DHDH: variants seen among roughly 807,000 people sequenced by gnomAD.
DHDH encodes the protein trans-1,2-dihydrobenzene-1,2-diol dehydrogenase.
DHDH carries 29 observed loss-of-function variants against 33.2 expected under a neutral mutation model. The observed-to-expected ratio is 0.87, with a 90% CI of 0.65 to 1.19. The LOEUF (loss-of-function observed/expected upper bound fraction) is 1.19, where lower values mean the gene tolerates loss of function less well. DHDH is among the 50% of genes most tolerant of loss of function. The probability of loss-of-function intolerance (pLI) is 0.00; values close to 1 mark genes in which losing one functional copy is unlikely to be tolerated. For missense variants in DHDH, 431 were observed against 455.0 expected (o/e 0.95, Z 0.48); for synonymous variants, 201 against 187.9 (o/e 1.07, Z -0.57).
rs1425774432 is a variant in DHDH at position 48,936,109 on chromosome 19, C to T, written c.280C>T (p.Leu94=). 1 of 1,611,638 alleles carries T rather than the reference C, an allele frequency of 6.2e-7. No individual in the cohort carries two copies. Among genetic ancestry groups the T allele is most frequent in the Non-Finnish European group, 8.5e-7 (1 of 1,179,516 alleles). Residue 94 remains leucine, a synonymous_variant, in exon 3 of 7, where the codon CTG becomes TTG. Coordinates refer to ENST00000221403, the MANE Select transcript of DHDH (RefSeq NM_014475.4). ...MLCLAAGKAV[L]CEKPTGVNAA... is the part of the protein sequence containing the mutation. ...GTGCTTGGCGGCGGGCAAGGCCGTT[C>T]TGTGCGAGAAGCCCACGGGCGTGAA...
chr19:48,937,448 G>T (rs1425286427), intron 3 of DHDH, among the ~76,000 whole-genome samples: 1 of 152,124 alleles, frequency 6.6e-6, no homozygotes, highest in Non-Finnish European at 1.5e-5. Flanking sequence ...GGCCGAGGCG[G>T]GCAGATCACC....
chr19:48,940,599 A>C (rs1473031224), intron 4 of DHDH, among the ~76,000 whole-genome samples: 1 of 151,940 alleles, frequency 6.6e-6, no homozygotes, highest in African/African-American at 2.4e-5. Context: ...CACGCCTGTA[A>C]TCCCAGCACT....
intron 3 of DHDH, 92 bp from the exon 4 acceptor site, chr19:48,939,357 T>G (rs1295892349): frequency 1.4e-6 from 2 of 1,451,484 alleles, no homozygotes; most frequent in African/African-American, 2.8e-5. Context: ...GGGCTGTGTT[T>G]GGAGACTGGG....
At chr19:48,935,493 C>G (rs754211149) in intron 2 of DHDH, among the ~76,000 whole-genome samples, 1 of 151,838 alleles carries the variant, frequency 6.6e-6, no homozygotes, top group Non-Finnish European at 1.5e-5. Flanking sequence ...TGCACTCCAG[C>G]CTGGGCGACA....
intron 4 of DHDH, among the ~76,000 whole-genome samples, chr19:48,940,542 A>G (rs887907485): frequency 3.3e-5 from 5 of 150,090 alleles, no homozygotes; most frequent in South Asian, 4.2e-4. Context: ...AAAAAAAAAC[A>G]TAACACTACC....
chr19:48,936,038 C>A lies in DHDH; in HGVS notation c.209C>A (p.Ala70Asp), dbSNP rs1286007448. 1 of 1,600,330 alleles carries A rather than the reference C, an allele frequency of 6.2e-7. No individual in the cohort carries two copies. Among genetic ancestry groups the A allele is most frequent in the South Asian group, 1.1e-5 (1 of 88,640 alleles). ...ELAKDPSVEV[A>D]YIGTQHPQHK... ...TGACCTACTCCCACCCTAGAGGTGGCCTACATTGGCACCCAGCACCCCCAG... is the reference window on the plus strand; with the variant it reads ...TGACCTACTCCCACCCTAGAGGTGGACTACATTGGCACCCAGCACCCCCAG... Residue 70 changes from alanine (A) to aspartate (D), a missense_variant, in exon 3 of 7, where the codon GCC (alanine) becomes GAC (aspartate). Coordinates refer to ENST00000221403, the MANE Select transcript of DHDH (RefSeq NM_014475.4).
intron 4 of DHDH, among the ~76,000 whole-genome samples, chr19:48,941,946 T>TATA (rs2037866716): frequency 6.6e-6 from 1 of 151,422 alleles, no homozygotes; most frequent in Non-Finnish European, 1.5e-5. Context: ...GTGCTGAGAT[T>TATA]ATAGGTGTGA....
At chr19:48,940,779 C>G (rs2037847624) in intron 4 of DHDH, among the ~76,000 whole-genome samples, 1 of 152,276 alleles carries the variant, frequency 6.6e-6, no homozygotes, top group South Asian at 2.1e-4. Flanking sequence ...TCAATTGAGC[C>G]TGGGAGGCAG....
At chr19:48,937,858 G>A (rs754223603) in intron 3 of DHDH, among the ~76,000 whole-genome samples, 1 of 151,458 alleles carries the variant, frequency 6.6e-6, no homozygotes, top group Non-Finnish European at 1.5e-5. Flanking sequence ...GCAGCCTTGG[G>A]ACCTTTGCCC....
chr19:48,935,849 TA>T (rs1392846143), intron 2 of DHDH, among the ~76,000 whole-genome samples, 182 bp from the exon 3 acceptor site: 1 of 152,020 alleles, frequency 6.6e-6, no homozygotes, highest in African/African-American at 2.4e-5. Flanking sequence ...TTAAAAATTT[TA>T]AAAAAGAGAG....
Position 48,944,878 on chromosome 19 carries a change from T to C in DHDH, c.950T>C (p.Ile317Thr), listed in dbSNP as rs767030880. ...PLSESELLAD[I>T]LEEVRKAIGV... Reference sequence around the variant, plus strand: ...TCGGAAAGTGAGCTCCTGGCTGACATCCTTGAAGAGGTGAGGAAGGCCATT... The same window carrying C: ...TCGGAAAGTGAGCTCCTGGCTGACACCCTTGAAGAGGTGAGGAAGGCCATT... The change falls in exon 7 of 7, where the codon ATC becomes ACC. Residue 317 changes from isoleucine to threonine, a missense_variant. Ile to Thr is a moderately conservative substitution (Grantham distance 89). Transcript: ENST00000221403. 101 of 1,613,922 alleles carry C rather than the reference T, an allele frequency of 6.3e-5. No homozygotes were observed. Among genetic ancestry groups the C allele is most frequent in the Non-Finnish European group, 8.5e-5 (100 of 1,180,020 alleles).
chr19:48,937,238 A>G (rs978485758), intron 3 of DHDH, among the ~76,000 whole-genome samples: 2 of 152,138 alleles, frequency 1.3e-5, no homozygotes, highest in Admixed American at 6.5e-5. Flanking sequence ...GCCTGCGCAG[A>G]GCCTGCCCCC....
intron 3 of DHDH, 43 bp downstream of exon 3, chr19:48,936,238 T>C (rs929150560): frequency 1.3e-6 from 2 of 1,525,770 alleles, no homozygotes; most frequent in African/African-American, 2.7e-5. Flanking sequence ...GTAAAAGTGC[T>C]TGCCATTAAA....
At position 48,939,677 on chromosome 19, in the gene DHDH, G is replaced by A. The variant is rs772620790; in HGVS notation, c.595G>A (p.Val199Ile). The change falls in exon 4 of 7, where the codon GTC (valine) becomes ATC (isoleucine). Residue 199 changes from valine to isoleucine, a missense_variant. Transcript: ENST00000221403. The stretch of plus-strand genomic sequence containing the variant: ...AGGGCAGAAGCCAGAGAAGATTTCT[G>A]TCGTGGGAAGGCGTCATGAAACAGG... ...FGGQKPEKIS[V>I]VGRRHETGVD... 23 of 1,603,228 alleles carry A rather than the reference G, an allele frequency of 1.4e-5. No homozygotes were observed. The Admixed American group carries it at 2.4e-4, about 16-fold the overall frequency.
upstream of DHDH, chr19:48,933,694 A>C (rs1411528422): frequency 6.2e-7 from 1 of 1,611,906 alleles, no homozygotes; most frequent in African/African-American, 1.3e-5. Context: ...GGAGGGACCG[A>C]AGGTGCCGAG....
intron 5 of DHDH, 87 bp from the exon 6 acceptor site, chr19:48,944,259 AAGAGGGAGGCC>A (rs1243924316): frequency 6.5e-7 from 1 of 1,546,330 alleles, no homozygotes; most frequent in African/African-American, 1.4e-5. Flanking sequence ...CACCAGGTTC[AAGAGGGAGGCC>A]CCTGTGCACC....
chr19:48,940,517 C>T (rs2037844180), intron 4 of DHDH, among the ~76,000 whole-genome samples: 2 of 150,228 alleles, frequency 1.3e-5, no homozygotes, highest in South Asian at 2.1e-4. Context: ...ATTAAAGTTA[C>T]ATTCAGCCGC....
chr19:48,942,665 C>T (rs2037882046), intron 5 of DHDH, 101 bp downstream of exon 5: 1 of 1,493,358 alleles, frequency 6.7e-7, no homozygotes, highest in Non-Finnish European at 9.0e-7. Flanking sequence ...GCCAATTTCA[C>T]ATCATTGCTA....
intron 1 of DHDH, 109 bp from the exon 2 acceptor site, chr19:48,934,891 C>G (rs2037749806): frequency 1.3e-5 from 10 of 794,056 alleles, no homozygotes; most frequent in Non-Finnish European, 1.9e-5. Flanking sequence ...TCTCTTCCCC[C>G]AGGACCACGT....
Sources: gnomAD v4.1 joint callset for allele counts (sites outside exome capture counted in the v4.1 genomes callset) on GRCh38, gnomAD v4.1.1 for gene constraint, MANE v1.5 for transcripts, NCBI Gene and HGNC (gene_info 2026-07-23, HGNC 2026-07-21) for gene names.